The following ST6GAL2 variants were observed in gnomAD, a reference collection of about 807,000 sequenced individuals.
ST6GAL2 encodes the protein beta-galactoside alpha-2,6-sialyltransferase 2.
In ST6GAL2, 24 loss-of-function variants were observed where a neutral mutation model predicts 37.5. That is an observed-to-expected ratio of 0.64 (90% CI 0.46 to 0.90). ST6GAL2 has a LOEUF of 0.90. Among genes scored for constraint, ST6GAL2 ranks in the 40% least tolerant of loss-of-function variants. The pLI is 0.00. For missense variants in ST6GAL2, 715 were observed against 712.7 expected, an observed-to-expected ratio of 1.00 and a Z score of -0.04; for synonymous variants, 306 against 295.1, an observed-to-expected ratio of 1.04 and a Z score of -0.38.
At chr2:106,866,059 G>A (rs758811400) in intron 1 of ST6GAL2, among the ~76,000 whole-genome samples, 1 of 152,134 alleles carries the variant, frequency 6.6e-6, no homozygotes, top group Admixed American at 6.6e-5. Context: ...TTTATTAAAG[G>A]CTTATTAGGT....
intron 1 of ST6GAL2, among the ~76,000 whole-genome samples, chr2:106,873,986 A>C (rs1253055898): frequency 6.6e-6 from 1 of 152,210 alleles, no homozygotes; most frequent in Non-Finnish European, 1.5e-5. Context: ...TTTAGAAATC[A>C]CATTTAGGGA....
chr2:106,837,340 GCTGCC>G (rs1232818422), intron 2 of ST6GAL2, among the ~76,000 whole-genome samples: 1 of 152,106 alleles, frequency 6.6e-6, no homozygotes, highest in African/African-American at 2.4e-5. Context: ...TTTGGGTTCT[GCTGCC>G]CTGACTTGTG....
intron 1 of ST6GAL2, among the ~76,000 whole-genome samples, chr2:106,858,627 T>C (rs1312027108): frequency 2.6e-5 from 4 of 151,818 alleles, no homozygotes; most frequent in African/African-American, 7.3e-5. Flanking sequence ...AAAACAAGAG[T>C]GGGAGTTGAA....
intron 3 of ST6GAL2, 65 bp downstream of exon 3, chr2:106,833,984 T>G: frequency 8.1e-7 from 1 of 1,234,434 alleles, no homozygotes; most frequent in Non-Finnish European, 1.2e-6. Flanking sequence ...TTAAACTCAT[T>G]TCTCTTCACT....
chr2:106,821,165 T>G (rs1003043436), intron 5 of ST6GAL2, among the ~76,000 whole-genome samples: 6 of 151,204 alleles, frequency 4.0e-5, no homozygotes, highest in Admixed American at 2.6e-4. Context: ...GAAATTGAAA[T>G]GAAGAAAATG....
intron 1 of ST6GAL2, among the ~76,000 whole-genome samples, chr2:106,884,485 C>T (rs917008647): frequency 1.3e-5 from 2 of 152,084 alleles, no homozygotes; most frequent in African/African-American, 4.8e-5. Context: ...GAGTATCCAT[C>T]CAAAGCCTCT....
At position 106,843,060 on chromosome 2, in the gene ST6GAL2, G is replaced by T; in HGVS notation, c.918C>A (p.Leu306=). The change falls in exon 2 of 6, where the codon CTC becomes CTA. Residue 306 remains leucine (L), a synonymous_variant. Transcript: ENST00000409382. ...CAVVMSAGAI[L]NSSLGEEIDS... ...CTATTTCCTCGCCCAAGGAAGAGTTGAGGATTGCGCCTGCAGACATGACGA... is the reference window on the plus strand; with the variant it reads ...CTATTTCCTCGCCCAAGGAAGAGTTTAGGATTGCGCCTGCAGACATGACGA... 1 of 1,471,546 alleles carries T rather than the reference G, an allele frequency of 6.8e-7. No individual in the cohort carries two copies. The highest frequency in any genetic ancestry group is 9.0e-7 in the Non-Finnish European group (1 of 1,111,350). 91.2% of individuals were successfully genotyped at this position (1,471,546 alleles called of 1,614,324 possible).
intron 1 of ST6GAL2, among the ~76,000 whole-genome samples, chr2:106,879,940 TTA>T (rs1030232377): frequency 2.0e-5 from 3 of 148,200 alleles, no homozygotes; most frequent in South Asian, 2.1e-4. Flanking sequence ...TTATATACTA[TTA>T]TATATATACA....
chr2:106,868,231 G>A (rs1241314844), intron 1 of ST6GAL2, among the ~76,000 whole-genome samples: 1 of 152,120 alleles, frequency 6.6e-6, no homozygotes, highest in Admixed American at 6.6e-5. Flanking sequence ...CGGAAGCCTG[G>A]AATACGGTTA....
Position 106,843,728 on chromosome 2 carries a change from G to T in ST6GAL2, c.250C>A (p.His84Asn), listed in dbSNP as rs1183264090. The change falls in exon 2 of 6, where the codon CAC (histidine) becomes AAC (asparagine). Residue 84 changes from histidine to asparagine, a missense_variant. By Grantham distance (68) the His-to-Asn change is moderately conservative. Around this residue, in one of 3 missense-constraint regions of ST6GAL2, gnomAD observed 512 missense variants for 488.8 expected, o/e 1.05. Transcript: ENST00000409382. ...CCCGCATGAAAGGAACCGGCTGGGT[G>T]GGCGCGGGGCAGCGCCTGGCGTGCG... ...LDARQALPRAHPAGSFHAGPG... is the reference protein window; with the variant it reads ...LDARQALPRANPAGSFHAGPG... 9 of 1,612,558 alleles carry T rather than the reference G, an allele frequency of 5.6e-6. No homozygotes were observed. Among genetic ancestry groups the T allele is most frequent in the Non-Finnish European group, 7.6e-6 (9 of 1,179,804 alleles).
At position 106,877,562 on chromosome 2, in the gene ST6GAL2, C is replaced by T. The variant is rs945097717; in HGVS notation, c.-58+8531G>A. Reference sequence around the variant, plus strand: ...TGACTTAGTCTCTATTTCTCCCCCACCTTAGAGACTGTCAGTACCAAATGA... The same window carrying T: ...TGACTTAGTCTCTATTTCTCCCCCATCTTAGAGACTGTCAGTACCAAATGA... On this transcript the variant is annotated intron_variant, in intron 1 of 5. Coordinates refer to ENST00000409382, the MANE Select transcript of ST6GAL2 (RefSeq NM_001142351.2). Among the ~76,000 whole-genome samples, 20 of 152,282 alleles carry T rather than the reference C, an allele frequency of 1.3e-4. No homozygotes were observed. The East Asian group carries it at 3.5e-3, about 26-fold the overall frequency.
rs916986264 is a variant in ST6GAL2, at chr2:106,843,828, C to T, written c.150G>A (p.Arg50=). The T allele has an allele frequency of 1.2e-6, 2 of 1,612,014 alleles. No individual in the cohort carries two copies. The highest frequency in any genetic ancestry group is 2.2e-5 in the East Asian group (1 of 44,808). Residue 50 remains arginine (R), a synonymous_variant, in exon 2 of 6, where the codon AGG becomes AGA. Transcript: ENST00000409382. ...PSSLSFLETR[R]LLPVQGKQRA... is the part of the protein sequence containing the mutation. Reference sequence around the variant, plus strand: ...GCTGCTTCCCCTGCACCGGCAGGAGCCTCCTGGTCTCCAGGAAGGAGAGGG... The same window carrying T: ...GCTGCTTCCCCTGCACCGGCAGGAGTCTCCTGGTCTCCAGGAAGGAGAGGG...
At chr2:106,880,332 C>T (rs1410924692) in intron 1 of ST6GAL2, among the ~76,000 whole-genome samples, 2 of 152,100 alleles carry the variant, frequency 1.3e-5, no homozygotes, top group Non-Finnish European at 2.9e-5. Context: ...TCTGGCTGAC[C>T]TAAAACATCT....
intron 1 of ST6GAL2, among the ~76,000 whole-genome samples, chr2:106,868,201 T>C (rs1251749988): frequency 6.6e-6 from 1 of 152,220 alleles, no homozygotes; most frequent in Non-Finnish European, 1.5e-5. Context: ...TCATTTACGC[T>C]CACTTTACAG....
rs80109647 is a variant in ST6GAL2 at position 106,871,261 on chromosome 2, T to C, written c.-58+14832A>G. Among the ~76,000 whole-genome samples the C allele has an allele frequency of 5.7e-3, 871 of 152,344 alleles. 12 individuals carry two copies. Among genetic ancestry groups the C allele is most frequent in the African/African-American group, 0.02 (829 of 41,586 alleles). On this transcript the variant is annotated intron_variant, in intron 1 of 5. Transcript: ENST00000409382. Reference sequence around the variant, plus strand: ...AGCTGTATAGGACACTTATCATAAATGGAACTTCCATGACTAGAAGTTGCT... The same window carrying C: ...AGCTGTATAGGACACTTATCATAAACGGAACTTCCATGACTAGAAGTTGCT...
intron 1 of ST6GAL2, among the ~76,000 whole-genome samples, chr2:106,853,229 T>A (rs1677444375): frequency 6.6e-6 from 1 of 152,264 alleles, no homozygotes; most frequent in Non-Finnish European, 1.5e-5. Context: ...ATGTTCCCAG[T>A]TAGGCTTTAC....
intron 2 of ST6GAL2, among the ~76,000 whole-genome samples, chr2:106,835,502 T>C (rs1184274936): frequency 1.3e-5 from 2 of 152,192 alleles, no homozygotes; most frequent in African/African-American, 4.8e-5. Flanking sequence ...CAAAATTAAT[T>C]CACTTTTGGA....
intron 2 of ST6GAL2, among the ~76,000 whole-genome samples, chr2:106,840,145 T>C (rs936295636): frequency 1.3e-5 from 2 of 152,214 alleles, no homozygotes; most frequent in African/African-American, 4.8e-5. Flanking sequence ...TGATAAGCAG[T>C]GATCATCTGA....
intron 5 of ST6GAL2, among the ~76,000 whole-genome samples, chr2:106,812,657 T>G (rs776005966): frequency 2.6e-5 from 4 of 152,256 alleles, no homozygotes; most frequent in Non-Finnish European, 5.9e-5. Context: ...GCTGGCGGTG[T>G]TGTCTTTTCT....
Sources: allele counts gnomAD v4.1 joint callset (sites outside exome capture counted in the v4.1 genomes callset), GRCh38; gene constraint gnomAD v4.1.1; regional missense constraint gnomAD v4.1.1; transcripts MANE v1.5; gene names NCBI Gene and HGNC (gene_info 2026-07-23, HGNC 2026-07-21).